The following CPLANE1 variants were observed in gnomAD, a reference collection of about 807,000 sequenced individuals.
CPLANE1 encodes the protein ciliogenesis and planar polarity effector 1.
A neutral mutation model predicts 362.5 loss-of-function variants in CPLANE1; 263 were observed. That is an observed-to-expected ratio of 0.73 (90% CI 0.66 to 0.80). The LOEUF (loss-of-function observed/expected upper bound fraction) is 0.80. Ranked by LOEUF, CPLANE1 falls within the 30% of genes least tolerant of loss-of-function variation. The pLI is 0.00. For synonymous variants in CPLANE1, 1,212 were observed against 1,302.6 expected (o/e 0.93, Z 1.50); for missense variants, 3,461 against 3,793.4 (o/e 0.91, Z 2.30).
At chr5:37,229,003 C>T (rs895418298) in intron 9 of CPLANE1, among the ~76,000 whole-genome samples, 3 of 151,844 alleles carry the variant, frequency 2.0e-5, no homozygotes, top group Admixed American at 6.6e-5. Flanking sequence ...GGGCGGATCA[C>T]GAGGTTAGGA....
intron 16 of CPLANE1, among the ~76,000 whole-genome samples, chr5:37,207,491 T>G (rs1791097410): frequency 6.6e-6 from 1 of 152,246 alleles, no homozygotes; most frequent in Non-Finnish European, 1.5e-5. Flanking sequence ...TCTGAAAATT[T>G]TACTACTTTC....
chr5:37,172,494 G>A (rs1780070719), intron 32 of CPLANE1, among the ~76,000 whole-genome samples: 1 of 152,222 alleles, frequency 6.6e-6, no homozygotes, highest in Admixed American at 6.5e-5. Flanking sequence ...ACAGTGACCA[G>A]TGAAGTCCCC....
At chr5:37,139,529 T>C in intron 44 of CPLANE1, 159 bp from the exon 45 acceptor site, 1 of 1,142,096 alleles carries the variant, frequency 8.8e-7, no homozygotes, top group Non-Finnish European at 1.1e-6. Flanking sequence ...ATCCTCTTCC[T>C]GAATATGCTA....
chr5:37,213,580 GA>G lies in CPLANE1; in HGVS notation c.2898del (p.Pro968HisfsTer82), dbSNP rs1305821156. 6.5e-7 allele frequency: 1 copy of G among 1,543,230 alleles called. No homozygotes were observed. Among genetic ancestry groups the G allele is most frequent in the Admixed American group, 2.0e-5 (1 of 50,152 alleles). On this transcript the variant is annotated frameshift_variant, in exon 16 of 53. Transcript: ENST00000651892. Reference sequence around the variant, plus strand: ...TTACCTGTTTTAATATGAAGTGGGGGAAGAACATTCACATGATGAGGGGGCA... The same window carrying G: ...TTACCTGTTTTAATATGAAGTGGGGGAGAACATTCACATGATGAGGGGGCA... ...CILPPHHVNV[L>X]PPLHIKTEQS...
intron 41 of CPLANE1, among the ~76,000 whole-genome samples, chr5:37,157,027 T>C (rs186459313): frequency 6.6e-6 from 1 of 152,356 alleles, no homozygotes; most frequent in East Asian, 1.9e-4. Flanking sequence ...AATATGAGAA[T>C]TGCTTTCTAA....
chr5:37,137,681 A>C (rs944680448), intron 46 of CPLANE1, among the ~76,000 whole-genome samples: 6 of 152,226 alleles, frequency 3.9e-5, no homozygotes, highest in Non-Finnish European at 7.4e-5. Flanking sequence ...GTCCTTCTTC[A>C]CATAATGGCG....
the CPLANE1 span, among the ~76,000 whole-genome samples, chr5:37,087,673 GTC>G: frequency 6.6e-6 from 1 of 152,154 alleles, no homozygotes; most frequent in East Asian, 1.9e-4. Flanking sequence ...AGCCAGGATG[GTC>G]TCAATCTCCT....
chr5:37,212,023 A>G, intron 16 of CPLANE1: 2 of 975,502 alleles, frequency 2.1e-6, no homozygotes, highest in Non-Finnish European at 3.4e-6. Flanking sequence ...TGGGAACAGC[A>G]AGTGAAAGAA....
In CPLANE1 at chr5:37,234,111, A is replaced by T. The variant is rs565870805; in HGVS notation, c.939-3062T>A. Among the ~76,000 whole-genome samples, 5 of 152,308 alleles carry T rather than the reference A, an allele frequency of 3.3e-5. No homozygotes were observed. In the South Asian group the frequency reaches 6.2e-4, roughly 19 times the overall value. On this transcript the variant is annotated intron_variant, in intron 8 of 52. Coordinates refer to ENST00000651892, the MANE Select transcript of CPLANE1 (RefSeq NM_001384732.1). Reference sequence around the variant, plus strand: ...CTCCTCTATAAAAGCATTTTCAAAAAATTAAAACAAGCAACGGCTGTACCA... The same window carrying T: ...CTCCTCTATAAAAGCATTTTCAAAATATTAAAACAAGCAACGGCTGTACCA...
intron 21 of CPLANE1, 78 bp from the exon 22 acceptor site, chr5:37,187,920 T>G: frequency 1.1e-6 from 1 of 911,584 alleles, no homozygotes. Context: ...ACTCTGCTGA[T>G]CATTTTTTTC....
At chr5:37,199,908 G>C (rs889978487) in intron 19 of CPLANE1, among the ~76,000 whole-genome samples, 4 of 152,206 alleles carry the variant, frequency 2.6e-5, no homozygotes, top group Non-Finnish European at 4.4e-5. Context: ...GTCTCACTAA[G>C]AGTGAATCTC....
chr5:37,146,925 A>C (rs1323467857), intron 43 of CPLANE1, among the ~76,000 whole-genome samples: 1 of 152,190 alleles, frequency 6.6e-6, no homozygotes, highest in Non-Finnish European at 1.5e-5. Flanking sequence ...ATTAGGGATA[A>C]AGAGGGTTAT....
In CPLANE1 at chr5:37,169,267, G is replaced by T; in HGVS notation, c.6757C>A (p.Pro2253Thr). ...TGSIPQVPFR[P>T]LPQPREAWGL... is the part of the protein sequence containing the mutation. Reference sequence around the variant, plus strand: ...CAAGCCTCTCTTGGTTGTGGCAAAGGCCTGAAGGGAACTTGTGGAATACTT... The same window carrying T: ...CAAGCCTCTCTTGGTTGTGGCAAAGTCCTGAAGGGAACTTGTGGAATACTT... Residue 2253 changes from proline (P) to threonine (T), a missense_variant, in exon 34 of 53, where the codon CCT becomes ACT. Physicochemically the swap from Pro to Thr is conservative, Grantham distance 38 (BLOSUM62 -1). Around this residue, in one of 2 missense-constraint regions of CPLANE1, gnomAD observed 3,380 missense variants for 3,666.1 expected, o/e 0.92. Transcript: ENST00000651892. 6 of 1,614,186 alleles carry T rather than the reference G, an allele frequency of 3.7e-6. No homozygotes were observed. Among genetic ancestry groups the T allele is most frequent in the Middle Eastern group, 1.6e-4 (1 of 6,062 alleles).
intron 46 of CPLANE1, 98 bp downstream of exon 46, chr5:37,138,622 T>C: frequency 7.6e-7 from 1 of 1,316,054 alleles, no homozygotes. Context: ...AAGCTTCAGA[T>C]TTGTTTCATA....
At chr5:37,221,224 TAGA>T in intron 15 of CPLANE1, 97 bp downstream of exon 15, 1 of 678,946 alleles carries the variant, frequency 1.5e-6, no homozygotes, top group Non-Finnish European at 2.4e-6. Context: ...GCGGCTGAGG[TAGA>T]AGGATTACTT....
intron 18 of CPLANE1, among the ~76,000 whole-genome samples, chr5:37,203,578 AT>A (rs1159471699): frequency 6.6e-6 from 1 of 152,152 alleles, no homozygotes; most frequent in Non-Finnish European, 1.5e-5. Context: ...CAGTGGCACA[AT>A]CATGGCTCAC....
Position 37,184,832 on chromosome 5 carries a change from T to A in CPLANE1, c.4437A>T (p.Glu1479Asp). 6.2e-7 allele frequency: 1 copy of A among 1,613,444 alleles called. No homozygotes were observed. Among genetic ancestry groups the A allele is most frequent in the Non-Finnish European group, 8.5e-7 (1 of 1,179,794 alleles). The change falls in exon 25 of 53, where the codon GAA becomes GAT. Residue 1479 changes from glutamate (E) to aspartate (D), a missense_variant. Glu to Asp is a conservative substitution (Grantham distance 45, BLOSUM62 2). Around this residue, in one of 2 missense-constraint regions of CPLANE1, gnomAD observed 3,380 missense variants for 3,666.1 expected, o/e 0.92. Transcript: ENST00000651892. Reference sequence around the variant, plus strand: ...TACTTTTTTCTTCAACCGACAAAGCTTCAGAGAACGTATCTGCATCACTGT... The same window carrying A: ...TACTTTTTTCTTCAACCGACAAAGCATCAGAGAACGTATCTGCATCACTGT... Reference protein sequence around the residue: ...VVHSDADTFSEALSVEEKSRI... With the variant: ...VVHSDADTFSDALSVEEKSRI...
In CPLANE1 at chr5:37,187,782, T is replaced by C. The variant is rs372625524; in HGVS notation, c.3872A>G (p.Tyr1291Cys). ...TGCTTTCTGATATTGCCTGCAACTA[T>C]AGGATAACTTATCACGGACATGCAG... The part of the protein sequence containing the change: ...WMLHVRDKLS[Y>C]SCRQYQKARE... The change falls in exon 22 of 53, where the codon TAT (tyrosine) becomes TGT (cysteine). Residue 1291 changes from tyrosine to cysteine, a missense_variant. Physicochemically the swap from Tyr to Cys is radical, Grantham distance 194. Coordinates refer to ENST00000651892, the MANE Select transcript of CPLANE1 (RefSeq NM_001384732.1). 2.3e-5 allele frequency: 37 copies of C among 1,613,840 alleles called. No homozygotes were observed. The highest frequency in any genetic ancestry group is 1.6e-4 in the Middle Eastern group (1 of 6,082).
At chr5:37,197,850 A>G (rs1787981255) in intron 20 of CPLANE1, among the ~76,000 whole-genome samples, 1 of 152,072 alleles carries the variant, frequency 6.6e-6, no homozygotes, top group Non-Finnish European at 1.5e-5. Context: ...TCACCCCAAA[A>G]AGAAAAACAA....
Sources: allele counts gnomAD v4.1 joint callset (sites outside exome capture counted in the v4.1 genomes callset), GRCh38; gene constraint gnomAD v4.1.1; regional missense constraint gnomAD v4.1.1; transcripts MANE v1.5; gene names NCBI Gene and HGNC (gene_info 2026-07-23, HGNC 2026-07-21).